GLMN: variants seen among roughly 807,000 people sequenced by gnomAD.
The protein encoded by GLMN is glomulin, FKBP associated protein.
A neutral mutation model predicts 87.8 loss-of-function variants in GLMN; 75 were observed. That is an observed-to-expected ratio of 0.85 (90% CI 0.71 to 1.04). GLMN has a LOEUF of 1.04. Ranked by LOEUF, GLMN falls within the 50% of genes least tolerant of loss-of-function variation. The probability of loss-of-function intolerance (pLI) is 0.00; values close to 1 mark genes in which losing one functional copy is unlikely to be tolerated. For missense variants in GLMN, 588 were observed against 658.8 expected, an observed-to-expected ratio of 0.89 and a Z score of 1.18; for synonymous variants, 206 against 221.6, an observed-to-expected ratio of 0.93 and a Z score of 0.63.
chr1:92,297,533 G>GAA lies in GLMN; in HGVS notation c.40-5_40-4insTT. 5.2e-6 allele frequency: 8 copies of GAA among 1,527,134 alleles called. No homozygotes were observed. Among genetic ancestry groups the GAA allele is most frequent in the Admixed American group, 4.3e-5 (2 of 47,018 alleles). 94.6% of individuals were successfully genotyped at this position (1,527,134 alleles called of 1,614,324 possible). On this transcript the variant is annotated splice_polypyrimidine_tract_variant and splice_region_variant and intron_variant, in intron 2 of 18. Coordinates refer to ENST00000370360, the MANE Select transcript of GLMN (RefSeq NM_053274.3). Reference sequence around the variant, plus strand: ...AGTCTTGCTCTTCTAGGATTTGCTGGCAAAAAAAAAAAAAACCCAAAAAAC... The same window carrying GAA: ...AGTCTTGCTCTTCTAGGATTTGCTGGAACAAAAAAAAAAAAAACCCAAAAAAC...
chr1:92,277,822 A>G (rs931228554), intron 7 of GLMN, among the ~76,000 whole-genome samples: 9 of 152,122 alleles, frequency 5.9e-5, no homozygotes, highest in African/African-American at 2.2e-4. Flanking sequence ...ATAGTAAACC[A>G]CTAAATGTAA....
chr1:92,363,039 G>T, the GLMN span, among the ~76,000 whole-genome samples: 1 of 152,078 alleles, frequency 6.6e-6, no homozygotes, highest in South Asian at 2.1e-4. Context: ...TTGAAAGTAG[G>T]AGTAAAATCT....
the GLMN span, among the ~76,000 whole-genome samples, chr1:92,367,502 C>G: frequency 6.6e-6 from 1 of 152,152 alleles, no homozygotes; most frequent in African/African-American, 2.4e-5. Context: ...CCTTCCCAGC[C>G]CTAACTTCTG....
the GLMN span, among the ~76,000 whole-genome samples, chr1:92,348,698 T>G: frequency 6.6e-6 from 1 of 152,162 alleles, no homozygotes; most frequent in Non-Finnish European, 1.5e-5. Context: ...CTTTGTCCAT[T>G]TGTCACCTTT....
At chr1:92,255,473 C>T (rs1222280007) in intron 16 of GLMN, among the ~76,000 whole-genome samples, 3 of 152,176 alleles carry the variant, frequency 2.0e-5, no homozygotes, top group African/African-American at 7.2e-5. Flanking sequence ...CAGCACCACA[C>T]AGCACTTATT....
chr1:92,282,244 T>A (rs1648147580), intron 7 of GLMN, among the ~76,000 whole-genome samples: 1 of 152,118 alleles, frequency 6.6e-6, no homozygotes. Context: ...ACTCAGCAAA[T>A]GTAAAAGAAC....
At chr1:92,345,762 A>T in the GLMN span, 13 of 853,996 alleles carry the variant, frequency 1.5e-5, no homozygotes, top group Non-Finnish European at 2.4e-5. Context: ...TTGGCACATT[A>T]TTATAAATCT....
the GLMN span, among the ~76,000 whole-genome samples, chr1:92,357,814 G>A: frequency 6.6e-6 from 1 of 152,390 alleles, no homozygotes; most frequent in South Asian, 2.1e-4. Context: ...TTACAGGCGT[G>A]AGCCACCATA....
intron 16 of GLMN, among the ~76,000 whole-genome samples, chr1:92,252,132 C>T (rs945504877): frequency 2.0e-5 from 3 of 152,180 alleles, no homozygotes; most frequent in Non-Finnish European, 4.4e-5. Flanking sequence ...TTCACTAATT[C>T]TCTTCAGCCA....
At chr1:92,361,156 C>A in the GLMN span, among the ~76,000 whole-genome samples, 1 of 151,592 alleles carries the variant, frequency 6.6e-6, no homozygotes, top group Non-Finnish European at 1.5e-5. Flanking sequence ...CACACACACA[C>A]ACGTAAGTTT....
intron 7 of GLMN, among the ~76,000 whole-genome samples, chr1:92,281,644 T>C (rs1648064660): frequency 6.6e-6 from 1 of 152,184 alleles, no homozygotes; most frequent in African/African-American, 2.4e-5. Context: ...GTAAATGGGC[T>C]AAATGCTCCA....
intron 7 of GLMN, among the ~76,000 whole-genome samples, chr1:92,279,873 C>G (rs1025962148): frequency 6.6e-6 from 1 of 152,116 alleles, no homozygotes; most frequent in Non-Finnish European, 1.5e-5. Flanking sequence ...AGTCTGAGAT[C>G]GACCTGCGAG....
rs950341044 is a variant in GLMN at position 92,263,045 on chromosome 1, A to G, written c.1410-119T>C. On this transcript the variant is annotated intron_variant, in intron 15 of 18. Coordinates refer to ENST00000370360, the MANE Select transcript of GLMN (RefSeq NM_053274.3). Reference sequence around the variant, plus strand: ...AGGTTTGCCAATAGAAACTATTTCCATTAATATCTTTTTGAGTAGTAATAA... The same window carrying G: ...AGGTTTGCCAATAGAAACTATTTCCGTTAATATCTTTTTGAGTAGTAATAA... The G allele has an allele frequency of 5.5e-6, 3 of 550,372 alleles. No individual in the cohort carries two copies. The Admixed American group carries it at 9.5e-5, about 18-fold the overall frequency. The allele number at this position is 550,372 out of a possible 1,614,324, so 34.1% of individuals were successfully genotyped here.
the GLMN span, chr1:92,320,659 C>T: frequency 6.4e-7 from 1 of 1,572,392 alleles, no homozygotes; most frequent in Non-Finnish European, 8.7e-7. Context: ...GTATCATTTA[C>T]CATTTATATA....
chr1:92,337,220 T>C, the GLMN span, among the ~76,000 whole-genome samples: 1 of 152,146 alleles, frequency 6.6e-6, no homozygotes, highest in African/African-American at 2.4e-5. Context: ...TATTATAGTC[T>C]ATTGTTGTCA....
chr1:92,264,730 G>A (rs2100880555), intron 13 of GLMN, 92 bp from the exon 14 acceptor site: 3 of 760,228 alleles, frequency 3.9e-6, no homozygotes, highest in East Asian at 5.1e-5. Context: ...AAGAGGCCAT[G>A]TGTTACTTCT....
upstream of GLMN, chr1:92,301,554 A>G: frequency 1.3e-6 from 2 of 1,565,914 alleles, no homozygotes; most frequent in Non-Finnish European, 1.7e-6. Context: ...AACAGCTTTT[A>G]GAGGAGAATA....
chr1:92,291,282 G>C (rs1180372875), intron 4 of GLMN, 136 bp downstream of exon 4: 1 of 769,414 alleles, frequency 1.3e-6, no homozygotes, highest in African/African-American at 1.7e-5. Flanking sequence ...ATAAGACTGG[G>C]TCTTTTCTCC....
chr1:92,307,762 T>C, the GLMN span, among the ~76,000 whole-genome samples: 9 of 152,078 alleles, frequency 5.9e-5, no homozygotes, highest in East Asian at 1.5e-3. Context: ...TGGGCAATGC[T>C]GGAGTTTAGC....
Sources: gnomAD v4.1 joint callset for allele counts (sites outside exome capture counted in the v4.1 genomes callset) on GRCh38, gnomAD v4.1.1 for gene constraint, MANE v1.5 for transcripts, NCBI Gene and HGNC (gene_info 2026-07-23, HGNC 2026-07-21) for gene names.